Variants in PRAM1 observed in about 807,000 individuals in gnomAD.
The protein encoded by PRAM1 is PML-RARA regulated adaptor molecule 1.
A neutral mutation model predicts 55.3 loss-of-function variants in PRAM1; 41 were observed. The ratio of observed to expected loss-of-function variants is 0.74; its 90% CI spans 0.58 to 0.96. The LOEUF is 0.96. PRAM1 is among the 40% of genes least tolerant of loss of function. PRAM1 has a pLI of 0.00. For synonymous variants in PRAM1, 401 were observed against 387.1 expected, an observed-to-expected ratio of 1.04 and a Z score of -0.42; for missense variants, 898 against 892.7, an observed-to-expected ratio of 1.01 and a Z score of -0.08.
At chr19:8,502,457 A>ACCCCCCCCCCCCCCCCCCCCCCCCCC in intron 1 of PRAM1, 108 bp downstream of exon 1, 1 of 469,348 alleles carries the variant, frequency 2.1e-6, no homozygotes, top group East Asian at 5.0e-5. Context: ...TTTCGCAGCC[A>ACCCCCCCCCCCCCCCCCCCCCCCCCC]CCCCCCGCCC....
rs745894616 is a variant in PRAM1 at position 8,499,382 on chromosome 19, C to A, written c.426G>T (p.Lys142Asn). ...CCTCACCGACCTCAGGCTGCAGGGG[C>A]TTCCTTGGAAACGGAGTGGCCCCCA... ...PQLGATPFPR[K>N]PLQPEVGEAP... Residue 142 changes from lysine to asparagine, a missense_variant, in exon 2 of 10, where the codon AAG becomes AAT. Transcript: ENST00000423345. 1.2e-6 allele frequency: 2 copies of A among 1,613,018 alleles called. No homozygotes were observed. Among genetic ancestry groups the A allele is most frequent in the Non-Finnish European group, 1.7e-6 (2 of 1,179,856 alleles).
intron 5 of PRAM1, 39 bp downstream of exon 5, chr19:8,491,061 G>T (rs772329742): frequency 2.8e-5 from 45 of 1,611,792 alleles, no homozygotes; most frequent in Non-Finnish European, 3.8e-5. Context: ...GGTTCCTGGA[G>T]CTCGCCCCCC....
chr19:8,496,775 C>A (rs187253613), intron 4 of PRAM1, among the ~76,000 whole-genome samples: 1 of 151,698 alleles, frequency 6.6e-6, no homozygotes, highest in Non-Finnish European at 1.5e-5. Context: ...TGGTGGCTCA[C>A]GCCTGTAATC....
Position 8,490,537 on chromosome 19 carries a change from C to T in PRAM1, c.1907-28G>A, listed in dbSNP as rs1426143311. ...GTGGAGAGAGTGGGCATGGTGGGTT[C>T]TGAGGCCCAGGGTGGCGGCGGGGAC... is the stretch of plus-strand genomic sequence containing the variant. On this transcript the variant is annotated intron_variant, in intron 7 of 9. Coordinates refer to ENST00000423345, the MANE Select transcript of PRAM1 (RefSeq NM_032152.5). This position sits in a 1 kb window ranked among gnomAD's most constrained non-coding sequence, Gnocchi z 7.3. 1 of 1,606,906 alleles carries T rather than the reference C, an allele frequency of 6.2e-7. No homozygotes were observed. The highest frequency in any genetic ancestry group is 8.5e-7 in the Non-Finnish European group (1 of 1,176,924).
intron 4 of PRAM1, chr19:8,496,133 AGGCTGGGCGT>A (rs748553955): frequency 1.8e-5 from 8 of 455,572 alleles, no homozygotes; most frequent in South Asian, 1.2e-4. Flanking sequence ...TAAGTAAATC[AGGCTGGGCGT>A]GGTGGCTCAC....
Position 8,497,755 on chromosome 19 carries a change from C to T in PRAM1, c.1576+9G>A, listed in dbSNP as rs1207687027. On this transcript the variant is annotated intron_variant, in intron 4 of 9. Transcript: ENST00000423345. Reference sequence around the variant, plus strand: ...GTTTTGCAGGGACTCGGGCAGGCCACCAACAAACCTCTGCCCTTGGGGCTG... The same window carrying T: ...GTTTTGCAGGGACTCGGGCAGGCCATCAACAAACCTCTGCCCTTGGGGCTG... The T allele has an allele frequency of 1.9e-6, 3 of 1,600,128 alleles. No homozygotes were observed. The highest frequency in any genetic ancestry group is 1.1e-5 in the South Asian group (1 of 89,682).
rs1180791590 is a variant in PRAM1 at position 8,498,952 on chromosome 19, G to C, written c.856C>G (p.Pro286Ala). ...PPLSDFPKKP[P>A]QPELGDLTRT... Reference sequence around the variant, plus strand: ...GTGAGGTCCCCAAGCTCAGGCTGCGGAGGCTTCTTGGGAAAGTCACTCAGC... The same window carrying C: ...GTGAGGTCCCCAAGCTCAGGCTGCGCAGGCTTCTTGGGAAAGTCACTCAGC... The change falls in exon 2 of 10, where the codon CCG becomes GCG. Residue 286 changes from proline to alanine, a missense_variant. This residue lies in a region of PRAM1 where 787 missense variants were observed against 735.4 expected (regional missense o/e 1.07). Coordinates refer to ENST00000423345, the MANE Select transcript of PRAM1 (RefSeq NM_032152.5). The C allele has an allele frequency of 6.2e-7, 1 of 1,613,780 alleles. No individual in the cohort carries two copies. Among genetic ancestry groups the C allele is most frequent in the Admixed American group, 1.7e-5 (1 of 60,010 alleles).
At position 8,499,357 on chromosome 19, in the gene PRAM1, C is replaced by T. The variant is rs1226084380; in HGVS notation, c.451G>A (p.Ala151Thr). The stretch of plus-strand genomic sequence containing the variant: ...TCCGGCAGCGAGGCCTTCAAAGGGG[C>T]CTCACCGACCTCAGGCTGCAGGGGC... ...RKPLQPEVGE[A>T]PLKASLPEPG... The change falls in exon 2 of 10, where the codon GCC (alanine) becomes ACC (threonine). Residue 151 changes from alanine to threonine, a missense_variant. Ala to Thr is a moderately conservative substitution (Grantham distance 58). Transcript: ENST00000423345. 2.5e-6 allele frequency: 4 copies of T among 1,611,938 alleles called. No homozygotes were observed. Among genetic ancestry groups the T allele is most frequent in the South Asian group, 2.2e-5 (2 of 90,974 alleles).
At chr19:8,498,088 C>A (rs1971725678) in intron 3 of PRAM1, 135 bp downstream of exon 3, 2 of 959,826 alleles carry the variant, frequency 2.1e-6, no homozygotes, top group Admixed American at 2.4e-5. Flanking sequence ...CCACGTTGGC[C>A]AGGCTGTTGT....
Position 8,499,743 on chromosome 19 carries a change from A to T in PRAM1, c.65T>A (p.Phe22Tyr), listed in dbSNP as rs1971779141. The T allele has an allele frequency of 6.2e-7, 1 of 1,612,502 alleles. No homozygotes were observed. Among genetic ancestry groups the T allele is most frequent in the Non-Finnish European group, 8.5e-7 (1 of 1,179,316 alleles). Residue 22 changes from phenylalanine (F) to tyrosine (Y), a missense_variant, in exon 2 of 10, where the codon TTC becomes TAC. Coordinates refer to ENST00000423345, the MANE Select transcript of PRAM1 (RefSeq NM_032152.5). ...HQDFRSIKAK[F>Y]QASQPEPSDL... ...GCTGGGCTCCGGCTGAGAGGCCTGG[A>T]ACTTTGCTTTGATGCTCCGGAAGTC...
In PRAM1 at chr19:8,490,730, C is replaced by T. The variant is rs958470982; in HGVS notation, c.1770G>A (p.Thr590=). ...FKFEGEIVVH[T]KMMIDPNAKT... ...TAGCGTTGGGGTCGATCATCATCTT[C>T]GTGTGAACCACGATCTCCCCTTCAA... Residue 590 remains threonine (T), a synonymous_variant, in exon 7 of 10, where the codon ACG becomes ACA. Transcript: ENST00000423345. This position sits in a 1 kb window ranked among gnomAD's most constrained non-coding sequence, Gnocchi z 7.3. 1.6e-5 allele frequency: 25 copies of T among 1,610,838 alleles called. No homozygotes were observed. The highest frequency in any genetic ancestry group is 1.8e-5 in the Non-Finnish European group (21 of 1,179,716).
At chr19:8,498,146 C>T (rs545618984) in intron 3 of PRAM1, 77 bp downstream of exon 3, 3 of 1,489,652 alleles carry the variant, frequency 2.0e-6, no homozygotes, top group East Asian at 2.4e-5. Flanking sequence ...TCCCGAAGTT[C>T]TGGGAGCTCC....
At position 8,502,618 on chromosome 19, in the gene PRAM1, C is replaced by A; in HGVS notation, c.-27G>T. 1 of 1,547,090 alleles carries A rather than the reference C, an allele frequency of 6.5e-7. No individual in the cohort carries two copies. The highest frequency in any genetic ancestry group is 8.7e-7 in the Non-Finnish European group (1 of 1,146,998). On this transcript the variant is annotated 5_prime_UTR_variant, in exon 1 of 10. Transcript: ENST00000423345. ...GGATGAGTGGGACCCGAGCTGGGGCCGCTGCCTTCAGGAAGTGACTGTGGC... is the reference window on the plus strand; with the variant it reads ...GGATGAGTGGGACCCGAGCTGGGGCAGCTGCCTTCAGGAAGTGACTGTGGC...
At position 8,490,583 on chromosome 19, in the gene PRAM1, G is replaced by A; in HGVS notation, c.1906+11C>T. The A allele has an allele frequency of 6.3e-7, 1 of 1,587,596 alleles. No homozygotes were observed. The highest frequency in any genetic ancestry group is 8.6e-7 in the Non-Finnish European group (1 of 1,167,130). On this transcript the variant is annotated intron_variant, in intron 7 of 9. Transcript: ENST00000423345. The surrounding 1 kb of genome is among the most constrained non-coding windows in gnomAD (Gnocchi z 7.3). ...GGGACCTCCCGGGGCTGCGGGGCCG[G>A]GCGCACTCACATTTGCCTTTGGGGT...
rs1347716697 is a variant in PRAM1, at chr19:8,498,302, G to C, written c.1433-13C>G. The C allele has an allele frequency of 2.5e-6, 4 of 1,610,360 alleles. No homozygotes were observed. The highest frequency in any genetic ancestry group is 3.4e-6 in the Non-Finnish European group (4 of 1,178,894). ...GTCCTCCGTAGATCTGTGGGGTAGA[G>C]AGTAGGGCAGGGAAGCCGGCACTGC... On this transcript the variant is annotated splice_polypyrimidine_tract_variant and intron_variant, in intron 2 of 9. Transcript: ENST00000423345.
At chr19:8,491,610 C>T (rs1335899001) in intron 4 of PRAM1, 1 of 201,350 alleles carries the variant, frequency 5.0e-6, no homozygotes. Flanking sequence ...CCTCCCAAAC[C>T]TCTCCCTGCC....
rs778932106 is a variant in PRAM1 at position 8,491,131 on chromosome 19, C to T, written c.1603G>A (p.Ala535Thr). Residue 535 changes from alanine (A) to threonine (T), a missense_variant, in exon 5 of 10, where the codon GCC becomes ACC. Transcript: ENST00000423345. ...RDEAPSVQQA[A>T]RRPPQDPALR... ...GCTGGGTCTTGTGGTGGCCTCCTGG[C>T]GGCTTGCTGAACTGAGGGCGCTTCA... 1.1e-5 allele frequency: 17 copies of T among 1,611,638 alleles called. No homozygotes were observed. The highest frequency in any genetic ancestry group is 6.7e-5 in the East Asian group (3 of 44,898).
chr19:8,490,895 T>A lies in PRAM1; in HGVS notation c.1735A>T (p.Lys579Ter), dbSNP rs1971615620. 1 of 1,613,280 alleles carries A rather than the reference T, an allele frequency of 6.2e-7. No individual in the cohort carries two copies. ...TAGCTCAGAGGCCTCACCTTGAACT[T>A]CTTCCGGAACTCCCTCTCGGCCTTC... ...AEKAEREFRK[K>*]FKFEGEIVVH... The change falls in exon 6 of 10, where the codon AAG becomes TAG. Residue 579 changes from lysine (K) to a stop codon, truncating the protein, a stop_gained. Coordinates refer to ENST00000423345, the MANE Select transcript of PRAM1 (RefSeq NM_032152.5). LOFTEE classifies it high-confidence loss of function. The surrounding 1 kb of genome is among the most constrained non-coding windows in gnomAD (Gnocchi z 7.3).
intron 3 of PRAM1, 84 bp downstream of exon 3, chr19:8,498,139 C>A: frequency 7.0e-7 from 1 of 1,436,530 alleles, no homozygotes; most frequent in Non-Finnish European, 9.5e-7. Flanking sequence ...TTCAGCCTCC[C>A]GAAGTTCTGG....
Sources: allele counts gnomAD v4.1 joint callset (sites outside exome capture counted in the v4.1 genomes callset), GRCh38; gene constraint gnomAD v4.1.1; regional missense constraint gnomAD v4.1.1; non-coding constraint Gnocchi (gnomAD v3.1); transcripts MANE v1.5; gene names NCBI Gene and HGNC (gene_info 2026-07-23, HGNC 2026-07-21).